CNTN5: variants seen among roughly 807,000 people sequenced by gnomAD.
CNTN5 encodes the protein contactin 5.
CNTN5 carries 77 observed loss-of-function variants against 129.1 expected under a neutral mutation model. The observed-to-expected ratio is 0.60, with a 90% confidence interval of 0.50 to 0.72. CNTN5 has a LOEUF of 0.72. Among genes scored for constraint, CNTN5 ranks in the 30% least tolerant of loss-of-function variants. CNTN5 has a pLI of 0.00. For synonymous variants in CNTN5, 509 were observed against 465.6 expected (o/e 1.09, Z -1.20); for missense variants, 1,478 against 1,328.8 (o/e 1.11, Z -1.75).
At chr11:99,848,335 G>A (rs1947767877) in intron 6 of CNTN5, among the ~76,000 whole-genome samples, 1 of 152,094 alleles carries the variant, frequency 6.6e-6, no homozygotes, top group Non-Finnish European at 1.5e-5. Flanking sequence ...AGTGTTTAAT[G>A]TCTGAAAGGA....
intron 3 of CNTN5, among the ~76,000 whole-genome samples, chr11:99,608,230 A>C (rs1950488624): frequency 2.0e-5 from 3 of 152,156 alleles, no homozygotes; most frequent in Admixed American, 1.3e-4. Flanking sequence ...GTGTTGTCCC[A>C]TCTATGCTGC....
At chr11:100,186,854 A>G (rs1003780339) in intron 13 of CNTN5, among the ~76,000 whole-genome samples, 2 of 152,190 alleles carry the variant, frequency 1.3e-5, no homozygotes, top group African/African-American at 4.8e-5. Context: ...TCAATATTAA[A>G]TTATCTAAGT....
At chr11:99,716,969 A>G (rs940677608) in intron 3 of CNTN5, among the ~76,000 whole-genome samples, 2 of 152,112 alleles carry the variant, frequency 1.3e-5, no homozygotes, top group Admixed American at 1.3e-4. Flanking sequence ...AAGTGAATCA[A>G]CTATGCTTTC....
intron 13 of CNTN5, among the ~76,000 whole-genome samples, chr11:100,083,655 A>G (rs1428256592): frequency 1.3e-5 from 2 of 152,116 alleles, no homozygotes; most frequent in Non-Finnish European, 2.9e-5. Flanking sequence ...AATGGGAAAA[A>G]AATTCTCACA....
At chr11:99,035,857 T>G (rs1863694938) in intron 1 of CNTN5, among the ~76,000 whole-genome samples, 1 of 151,604 alleles carries the variant, frequency 6.6e-6, no homozygotes, top group Admixed American at 6.6e-5. Flanking sequence ...TGCAGTTTCT[T>G]CCTAGTCTCG....
intron 18 of CNTN5, among the ~76,000 whole-genome samples, chr11:100,273,188 C>G (rs983277074): frequency 6.6e-6 from 1 of 152,086 alleles, no homozygotes; most frequent in Non-Finnish European, 1.5e-5. Context: ...AGCTTCTCCT[C>G]TGGCAGACCC....
intron 16 of CNTN5, among the ~76,000 whole-genome samples, chr11:100,249,806 T>C (rs1425736697): frequency 6.6e-6 from 1 of 152,164 alleles, no homozygotes; most frequent in Admixed American, 6.6e-5. Context: ...ACAAAGATAC[T>C]GACTATATCA....
intron 3 of CNTN5, among the ~76,000 whole-genome samples, chr11:99,765,571 G>T (rs1397313831): frequency 3.3e-5 from 5 of 150,952 alleles, no homozygotes; most frequent in African/African-American, 9.7e-5. Flanking sequence ...ATATTTCTTT[G>T]TAGTAAGGAA....
chr11:99,559,229 T>C (rs1446030243), intron 3 of CNTN5, among the ~76,000 whole-genome samples: 2 of 152,160 alleles, frequency 1.3e-5, no homozygotes, highest in African/African-American at 4.8e-5. Context: ...CATTAAGCTG[T>C]GGATCACGAG....
At chr11:99,929,041 G>T (rs565709834) in intron 7 of CNTN5, among the ~76,000 whole-genome samples, 1 of 152,184 alleles carries the variant, frequency 6.6e-6, no homozygotes, top group Non-Finnish European at 1.5e-5. Flanking sequence ...TCTCTCTCAC[G>T]TTTAAAGTTC....
chr11:99,154,857 G>C (rs113734844), intron 1 of CNTN5, among the ~76,000 whole-genome samples: 1 of 152,098 alleles, frequency 6.6e-6, no homozygotes, highest in Non-Finnish European at 1.5e-5. Context: ...CTCTGTCCAG[G>C]CCTGGTGGTC....
At position 99,635,895 on chromosome 11, in the gene CNTN5, A is replaced by G. The variant is rs1951532992; in HGVS notation, c.55+79626A>G. 2.0e-5 allele frequency among the ~76,000 whole-genome samples: 3 copies of G among 152,184 alleles called. No individual in the cohort carries two copies. In the South Asian group the frequency reaches 6.2e-4, roughly 32 times the overall value. ...GAAAAAATTTCCCAAGTGGTGCACT[A>G]AACCAGTACTCTGAAGCAAGAAAAA... On this transcript the variant is annotated intron_variant, in intron 3 of 24. Transcript: ENST00000524871.
intron 10 of CNTN5, 27 bp downstream of exon 10, chr11:100,061,420 G>T (rs770165260): frequency 5.4e-6 from 8 of 1,480,330 alleles, no homozygotes; most frequent in Middle Eastern, 1.8e-4. Flanking sequence ...AAGCATGATT[G>T]CTCTAGTCCC....
chr11:99,068,058 C>G (rs1362569730), intron 1 of CNTN5, among the ~76,000 whole-genome samples: 3 of 152,044 alleles, frequency 2.0e-5, no homozygotes, highest in East Asian at 3.9e-4. Context: ...GCCTTGCTTC[C>G]CCTTCACCTT....
intron 13 of CNTN5, among the ~76,000 whole-genome samples, chr11:100,185,530 A>G (rs1591368312): frequency 6.6e-6 from 1 of 152,150 alleles, no homozygotes; most frequent in African/African-American, 2.4e-5. Context: ...CAATACATTA[A>G]GGGGAAAAAT....
chr11:100,080,926 A>G (rs72998820), intron 13 of CNTN5, among the ~76,000 whole-genome samples: 2 of 152,312 alleles, frequency 1.3e-5, no homozygotes, highest in Non-Finnish European at 2.9e-5. Flanking sequence ...ATCTGAATTT[A>G]TAAGATTTAG....
Position 99,918,262 on chromosome 11 carries a change from A to C in CNTN5, c.673+2113A>C, listed in dbSNP as rs777615014. Reference sequence around the variant, plus strand: ...TTCCAGTTTGCAAAACCCTAATCACAATATAGATCCAACTCTTAGCCTACT... The same window carrying C: ...TTCCAGTTTGCAAAACCCTAATCACCATATAGATCCAACTCTTAGCCTACT... On this transcript the variant is annotated intron_variant, in intron 7 of 24. Transcript: ENST00000524871. 4.6e-5 allele frequency among the ~76,000 whole-genome samples: 7 copies of C among 152,132 alleles called. No homozygotes were observed. In the South Asian group the frequency reaches 6.2e-4, roughly 13 times the overall value.
At chr11:100,038,545 T>A (rs140793340) in intron 9 of CNTN5, among the ~76,000 whole-genome samples, 5,570 of 152,324 alleles carry the variant, frequency 0.037, 197 homozygotes, top group East Asian at 0.1. Flanking sequence ...GTCTTGTTGA[T>A]CTGTCTAATG....
At chr11:100,134,265 G>T (rs1392498215) in intron 13 of CNTN5, among the ~76,000 whole-genome samples, 2 of 151,964 alleles carry the variant, frequency 1.3e-5, no homozygotes, top group Non-Finnish European at 2.9e-5. Flanking sequence ...AACTTAGAAG[G>T]GCAGGCTGTA....
Sources: allele counts gnomAD v4.1 joint callset (sites outside exome capture counted in the v4.1 genomes callset), GRCh38; gene constraint gnomAD v4.1.1; transcripts MANE v1.5; gene names NCBI Gene and HGNC (gene_info 2026-07-23, HGNC 2026-07-21).